DNAI2: variants seen among roughly 807,000 people sequenced by gnomAD.
DNAI2 encodes dynein axonemal intermediate chain 2.
Under a neutral mutation model 74.7 loss-of-function variants are expected in DNAI2, and 63 were observed. The ratio of observed to expected loss-of-function variants is 0.84; its 90% CI spans 0.69 to 1.04. The LOEUF (loss-of-function observed/expected upper bound fraction) is 1.04. Ranked by LOEUF, DNAI2 falls within the 50% of genes least tolerant of loss-of-function variation. The pLI is 0.00. For synonymous variants in DNAI2, 289 were observed against 314.9 expected (o/e 0.92, Z 0.87); for missense variants, 688 against 803.2 (o/e 0.86, Z 1.73).
chr17:74,306,300 CTTCTTAGGGCCCATTT>C (rs1366647316), intron 9 of DNAI2, among the ~76,000 whole-genome samples: 1 of 152,228 alleles, frequency 6.6e-6, no homozygotes, highest in Non-Finnish European at 1.5e-5. Context: ...CCCCTCCATT[CTTCTTAGGGCCCATTT>C]ACCTTGTCTA....
At chr17:74,283,733 G>A (rs762708201) in intron 2 of DNAI2, among the ~76,000 whole-genome samples, 5 of 151,152 alleles carry the variant, frequency 3.3e-5, no homozygotes, top group African/African-American at 9.7e-5. Flanking sequence ...GCGAAACACC[G>A]TCTCTACAGA....
At chr17:74,284,075 T>A (rs2051546532) in intron 2 of DNAI2, among the ~76,000 whole-genome samples, 1 of 150,530 alleles carries the variant, frequency 6.6e-6, no homozygotes, top group South Asian at 2.1e-4. Context: ...GAGGCGAAGG[T>A]TGCAGTGAGC....
chr17:74,294,843 C>T (rs2143984738), intron 6 of DNAI2, among the ~76,000 whole-genome samples: 1 of 151,854 alleles, frequency 6.6e-6, no homozygotes, highest in South Asian at 2.1e-4. Context: ...CTTTCCTACC[C>T]TTTCTCTCTC....
chr17:74,303,446 G>C (rs575581215), intron 8 of DNAI2, among the ~76,000 whole-genome samples: 1 of 152,198 alleles, frequency 6.6e-6, no homozygotes, highest in African/African-American at 2.4e-5. Flanking sequence ...CCAGGTTTTT[G>C]TTTTGTTTTG....
intron 6 of DNAI2, among the ~76,000 whole-genome samples, chr17:74,296,530 T>C (rs1420651833): frequency 6.6e-6 from 1 of 152,144 alleles, no homozygotes; most frequent in African/African-American, 2.4e-5. Context: ...GCTTTTCCTT[T>C]TAAGCTTTTC....
rs372522923 is a variant in DNAI2, at chr17:74,309,243, C to T, written c.1212-10C>T. ...GTCCCTCCAACCATGATGTGGTCTA[C>T]CTCCCACAGGTACCACATGGCTTAC... On this transcript the variant is annotated splice_polypyrimidine_tract_variant and intron_variant, in intron 9 of 13. Transcript: ENST00000311014. 5.7e-5 allele frequency: 92 copies of T among 1,613,840 alleles called. No individual in the cohort carries two copies. Among genetic ancestry groups the T allele is most frequent in the Non-Finnish European group, 7.4e-5 (87 of 1,179,970 alleles).
intron 8 of DNAI2, among the ~76,000 whole-genome samples, 156 bp from the exon 9 acceptor site, chr17:74,305,063 G>T (rs943628699): frequency 2.0e-5 from 3 of 152,184 alleles, no homozygotes; most frequent in Non-Finnish European, 4.4e-5. Flanking sequence ...GAAGAGTGGG[G>T]ACTGCTCTCC....
intron 6 of DNAI2, among the ~76,000 whole-genome samples, chr17:74,293,326 G>A (rs2052240341): frequency 6.6e-6 from 1 of 152,072 alleles, no homozygotes; most frequent in African/African-American, 2.4e-5. Flanking sequence ...TGTATGTTAA[G>A]GCTATGTTAT....
chr17:74,275,447 T>C (rs1378577761), intron 1 of DNAI2, among the ~76,000 whole-genome samples: 2 of 152,092 alleles, frequency 1.3e-5, no homozygotes, highest in African/African-American at 4.8e-5. Flanking sequence ...GAAAGAAAGC[T>C]GGGTGCGGTT....
At chr17:74,286,421 AAAATGTTTGTTGTTGTTGAGACAG>A (rs2051743162) in intron 3 of DNAI2, among the ~76,000 whole-genome samples, 1 of 151,524 alleles carries the variant, frequency 6.6e-6, no homozygotes, top group Non-Finnish European at 1.5e-5. Flanking sequence ...CTGCCTCCAT[AAAATGTTTGTTGTTGTTGAGACAG>A]AGTCTCATTC....
rs757275584 is a variant in DNAI2, at chr17:74,305,316, G to A, written c.1085G>A (p.Gly362Asp). 3.1e-6 allele frequency: 5 copies of A among 1,614,100 alleles called. No homozygotes were observed. The highest frequency in any genetic ancestry group is 2.7e-5 in the African/African-American group (2 of 74,938). Residue 362 changes from glycine to aspartate, a missense_variant, in exon 9 of 14, where the codon GGC (glycine) becomes GAC (aspartate). Coordinates refer to ENST00000311014, the MANE Select transcript of DNAI2 (RefSeq NM_023036.6). ...SAEKIVCTFPGHHGPIYALQR... is the reference protein window; with the variant it reads ...SAEKIVCTFPDHHGPIYALQR... ...GAAAAGATTGTGTGCACCTTCCCGG[G>A]CCATCATGGCCCCATCTACGCCCTC...
At chr17:74,291,449 C>T (rs1460682671) in intron 6 of DNAI2, among the ~76,000 whole-genome samples, 1 of 152,202 alleles carries the variant, frequency 6.6e-6, no homozygotes, top group Non-Finnish European at 1.5e-5. Flanking sequence ...CAGGTGTGGG[C>T]CACCACACCT....
intron 8 of DNAI2, among the ~76,000 whole-genome samples, chr17:74,302,144 T>C (rs1400070559): frequency 6.8e-6 from 1 of 146,380 alleles, no homozygotes; most frequent in African/African-American, 2.6e-5. Flanking sequence ...AAAATATCAA[T>C]GTGAGGCAAG....
At chr17:74,285,549 G>C (rs1223632581) in intron 3 of DNAI2, among the ~76,000 whole-genome samples, 3 of 151,802 alleles carry the variant, frequency 2.0e-5, no homozygotes, top group African/African-American at 7.3e-5. Context: ...CACAGTAGAG[G>C]TTGCAAAATG....
chr17:74,295,252 A>AAAAAAAAAAAC (rs2052362894), intron 6 of DNAI2, among the ~76,000 whole-genome samples: 1 of 146,914 alleles, frequency 6.8e-6, no homozygotes, highest in South Asian at 2.1e-4. Flanking sequence ...AAAAAAAAAA[A>AAAAAAAAAAAC]TCAGCCAGGT....
intron 3 of DNAI2, among the ~76,000 whole-genome samples, chr17:74,286,576 A>G (rs1364259411): frequency 1.3e-5 from 2 of 151,948 alleles, no homozygotes; most frequent in East Asian, 2.0e-4. Flanking sequence ...GGCTGCCACC[A>G]TGCCCAGCTA....
chr17:74,276,449 A>G (rs1158826643), intron 1 of DNAI2, among the ~76,000 whole-genome samples: 1 of 152,098 alleles, frequency 6.6e-6, no homozygotes, highest in Non-Finnish European at 1.5e-5. Context: ...CCCCATGCAG[A>G]CACTCCTGCT....
intron 6 of DNAI2, 121 bp downstream of exon 6, chr17:74,291,254 G>T (rs978955497): frequency 4.1e-6 from 3 of 731,558 alleles, no homozygotes; most frequent in Non-Finnish European, 7.0e-6. Context: ...TCCGCCTCCT[G>T]GGTTCAAGTG....
chr17:74,290,539 C>T (rs1295164331), intron 5 of DNAI2, among the ~76,000 whole-genome samples: 4 of 152,152 alleles, frequency 2.6e-5, no homozygotes, highest in African/African-American at 9.7e-5. Flanking sequence ...AGCTTCCCTT[C>T]GTTGTCAGCA....
Sources: allele counts gnomAD v4.1 joint callset (sites outside exome capture counted in the v4.1 genomes callset), GRCh38; gene constraint gnomAD v4.1.1; transcripts MANE v1.5; gene names NCBI Gene and HGNC (gene_info 2026-07-23, HGNC 2026-07-21).